PLEKHM3: variants seen among roughly 807,000 people sequenced by gnomAD.
PLEKHM3 encodes the protein pleckstrin homology domain-containing family M member 3.
In PLEKHM3, 45 loss-of-function variants were observed where a neutral mutation model predicts 81.8. That is an observed-to-expected ratio of 0.55 (90% confidence interval 0.43 to 0.71). The LOEUF is 0.71. Ranked by LOEUF, PLEKHM3 falls within the 30% of genes least tolerant of loss-of-function variation. PLEKHM3 has a pLI of 0.00. For missense variants in PLEKHM3, 788 were observed against 924.3 expected (o/e 0.85, Z 1.91); for synonymous variants, 352 against 356.4 (o/e 0.99, Z 0.14).
At chr2:207,928,919 G>C (rs1026359526) in intron 5 of PLEKHM3, among the ~76,000 whole-genome samples, 7 of 152,154 alleles carry the variant, frequency 4.6e-5, no homozygotes, top group African/African-American at 1.7e-4. Context: ...TGAGTGTTTT[G>C]GATGGGTCAG....
chr2:207,998,333 G>A (rs565400784), intron 2 of PLEKHM3, among the ~76,000 whole-genome samples: 1 of 152,034 alleles, frequency 6.6e-6, no homozygotes, highest in Non-Finnish European at 1.5e-5. Context: ...GCAAGACCTC[G>A]TCTCTACTAA....
intron 7 of PLEKHM3, among the ~76,000 whole-genome samples, chr2:207,845,416 T>C (rs1220375439): frequency 6.6e-6 from 1 of 152,236 alleles, no homozygotes; most frequent in Non-Finnish European, 1.5e-5. Flanking sequence ...CTATTGTGTG[T>C]TCAGGTTACT....
chr2:207,933,062 C>T (rs992498168), intron 4 of PLEKHM3, among the ~76,000 whole-genome samples: 19 of 151,990 alleles, frequency 1.3e-4, no homozygotes, highest in African/African-American at 4.4e-4. Flanking sequence ...TTTTGAGGTA[C>T]CTGTTGTGTT....
At chr2:207,979,099 T>C (rs529849961) in intron 2 of PLEKHM3, among the ~76,000 whole-genome samples, 2 of 152,288 alleles carry the variant, frequency 1.3e-5, no homozygotes, top group Non-Finnish European at 2.9e-5. Context: ...ATAATTCCCC[T>C]CCTATCTTCT....
intron 4 of PLEKHM3, among the ~76,000 whole-genome samples, chr2:207,942,216 G>T (rs1115792): frequency 0.33 from 49,506 of 152,124 alleles, 8,211 homozygotes; most frequent in Middle Eastern, 0.42. Flanking sequence ...ATATTATTCA[G>T]CCATAAAAAA....
At chr2:207,921,022 A>C (rs1490045286) in intron 5 of PLEKHM3, among the ~76,000 whole-genome samples, 1 of 151,436 alleles carries the variant, frequency 6.6e-6, no homozygotes, top group Admixed American at 6.6e-5. Context: ...TCATAGTTCC[A>C]TTCCTTCCCT....
chr2:207,885,504 G>T (rs1687859618), intron 6 of PLEKHM3, among the ~76,000 whole-genome samples: 1 of 152,176 alleles, frequency 6.6e-6, no homozygotes, highest in African/African-American at 2.4e-5. Context: ...AGGAAATAAA[G>T]AAGCAGATGG....
intron 5 of PLEKHM3, among the ~76,000 whole-genome samples, chr2:207,929,642 T>A (rs1047975532): frequency 1.3e-5 from 2 of 152,216 alleles, no homozygotes; most frequent in Non-Finnish European, 2.9e-5. Context: ...TAAGAATAAA[T>A]CCTGACCACT....
At chr2:207,980,491 C>A (rs1005206355) in intron 2 of PLEKHM3, among the ~76,000 whole-genome samples, 1 of 152,196 alleles carries the variant, frequency 6.6e-6, no homozygotes. Flanking sequence ...AACTCAGCTT[C>A]AGCCCTCTTT....
At chr2:207,957,261 T>G (rs1166903205) in intron 3 of PLEKHM3, among the ~76,000 whole-genome samples, 1 of 152,204 alleles carries the variant, frequency 6.6e-6, no homozygotes, top group Non-Finnish European at 1.5e-5. Flanking sequence ...ATTGTAAAAA[T>G]CAGTTTGAAT....
chr2:208,008,477 A>G (rs901103480), intron 1 of PLEKHM3, among the ~76,000 whole-genome samples: 16 of 148,356 alleles, frequency 1.1e-4, no homozygotes, highest in Non-Finnish European at 2.2e-4. Flanking sequence ...AAAAAAATCA[A>G]ATACCAGTAA....
In PLEKHM3 at chr2:207,827,801, G is replaced by A. The variant is rs1226053197; in HGVS notation, c.*518C>T. On this transcript the variant is annotated 3_prime_UTR_variant, in exon 8 of 8. Coordinates refer to ENST00000427836, the MANE Select transcript of PLEKHM3 (RefSeq NM_001080475.3). The stretch of plus-strand genomic sequence containing the variant: ...GGGAGCGCCACGGACACCAGGTCCT[G>A]GAAGGACCCAGCAGTCTCTTGTGTT... 1 of 152,206 alleles carries A rather than the reference G, an allele frequency of 6.6e-6. No homozygotes were observed. The allele number at this position is 152,206 out of a possible 1,614,324, so 9.4% of individuals were successfully genotyped here. A position where few individuals can be genotyped will look rare whatever the true frequency, so the allele number is the denominator to read the frequency against.
chr2:207,931,072 C>T lies in PLEKHM3; in HGVS notation c.1740G>A (p.Pro580=), dbSNP rs765327722. The change falls in exon 5 of 8, where the codon CCG becomes CCA. Residue 580 remains proline (P), a synonymous_variant. Coordinates refer to ENST00000427836, the MANE Select transcript of PLEKHM3 (RefSeq NM_001080475.3). ...KEFLEYVYEE[P]LIDIQQENAM... ...CGTTCTCCTGCTGGATGTCGATGAG[C>T]GGCTCTTCGTACACGTACTCCAGAA... The T allele has an allele frequency of 2.5e-6, 4 of 1,613,828 alleles. No homozygotes were observed. The highest frequency in any genetic ancestry group is 1.7e-5 in the Admixed American group (1 of 59,992).
At chr2:207,934,647 G>T (rs992210156) in intron 4 of PLEKHM3, among the ~76,000 whole-genome samples, 8 of 152,138 alleles carry the variant, frequency 5.3e-5, no homozygotes, top group African/African-American at 1.9e-4. Context: ...GAGGAAAGAG[G>T]CCTCCTCCCC....
intron 5 of PLEKHM3, among the ~76,000 whole-genome samples, chr2:207,928,613 G>A (rs1380204763): frequency 6.6e-6 from 1 of 152,258 alleles, no homozygotes; most frequent in Non-Finnish European, 1.5e-5. Context: ...TTTGCCGGAA[G>A]GGCAGGGTAT....
intron 3 of PLEKHM3, among the ~76,000 whole-genome samples, chr2:207,961,832 A>T (rs1690745092): frequency 6.6e-6 from 1 of 152,186 alleles, no homozygotes; most frequent in Non-Finnish European, 1.5e-5. Context: ...CAGTGTTGGA[A>T]GTAGCTGACT....
intron 5 of PLEKHM3, among the ~76,000 whole-genome samples, chr2:207,922,793 C>T (rs1313522592): frequency 6.7e-6 from 1 of 150,218 alleles, no homozygotes; most frequent in African/African-American, 2.5e-5. Flanking sequence ...GCCTGGGCAA[C>T]AGAGAGAGAC....
At chr2:207,887,192 G>A (rs1271549496) in intron 6 of PLEKHM3, among the ~76,000 whole-genome samples, 1 of 152,160 alleles carries the variant, frequency 6.6e-6, no homozygotes, top group Non-Finnish European at 1.5e-5. Flanking sequence ...ACACATTTCT[G>A]GAAAGAACAT....
At chr2:207,897,937 T>C (rs1688279063) in intron 6 of PLEKHM3, among the ~76,000 whole-genome samples, 1 of 152,204 alleles carries the variant, frequency 6.6e-6, no homozygotes, top group Non-Finnish European at 1.5e-5. Context: ...ATGTTTGCAT[T>C]GCTGCCCTGA....
Sources: allele counts gnomAD v4.1 joint callset (sites outside exome capture counted in the v4.1 genomes callset), GRCh38; gene constraint gnomAD v4.1.1; transcripts MANE v1.5; gene names NCBI Gene and HGNC (gene_info 2026-07-23, HGNC 2026-07-21).